The following EXOC4 variants were observed in gnomAD, a reference collection of about 807,000 sequenced individuals.
EXOC4 encodes the protein SEC8-like 1.
In EXOC4, 71 loss-of-function variants were observed where a neutral mutation model predicts 107.2. That is an observed-to-expected ratio of 0.66 (90% CI 0.55 to 0.81). The LOEUF (loss-of-function observed/expected upper bound fraction) is 0.81, where lower values mean the gene tolerates loss of function less well. Among genes scored for constraint, EXOC4 ranks in the 30% least tolerant of loss-of-function variants. The pLI is 0.00. For missense variants in EXOC4, 1,108 were observed against 1,189.6 expected (o/e 0.93, Z 1.01); for synonymous variants, 456 against 441.2 (o/e 1.03, Z -0.42).
chr7:133,999,423 A>G (rs921468133), intron 15 of EXOC4, among the ~76,000 whole-genome samples: 1 of 152,206 alleles, frequency 6.6e-6, no homozygotes, highest in African/African-American at 2.4e-5. Context: ...CAAGAGAAGT[A>G]ACATTGCAGA....
chr7:133,723,387 C>G (rs1795146704), intron 10 of EXOC4, among the ~76,000 whole-genome samples: 2 of 152,168 alleles, frequency 1.3e-5, no homozygotes, highest in Non-Finnish European at 2.9e-5. Flanking sequence ...AAATAGAACA[C>G]TATTTAAAAC....
intron 9 of EXOC4, among the ~76,000 whole-genome samples, chr7:133,525,487 C>T (rs987863082): frequency 1.3e-5 from 2 of 152,154 alleles, no homozygotes; most frequent in Admixed American, 1.3e-4. Context: ...GGTGAGACTG[C>T]TTCAGAGCAT....
chr7:133,991,301 TG>T, intron 14 of EXOC4, among the ~76,000 whole-genome samples: 1 of 152,266 alleles, frequency 6.6e-6, no homozygotes, highest in East Asian at 1.9e-4. Flanking sequence ...TTTTGTTTTT[TG>T]TTTTTGCTAT....
chr7:133,356,471 G>A lies in EXOC4; in HGVS notation c.905G>A (p.Arg302His), dbSNP rs762300660. 3.6e-5 allele frequency: 58 copies of A among 1,614,048 alleles called. No individual in the cohort carries two copies. In the East Asian group the frequency reaches 1.1e-3, roughly 32 times the overall value. The change falls in exon 6 of 18, where the codon CGC (arginine) becomes CAC (histidine). Residue 302 changes from arginine (R) to histidine (H), a missense_variant. Transcript: ENST00000253861. ...IPETVKAIIE[R>H]LEQELKQIVK... Reference sequence around the variant, plus strand: ...GAAACAGTTAAGGCAATCATAGAGCGCTTGGAGCAGGAGTTGAAGCAAATT... The same window carrying A: ...GAAACAGTTAAGGCAATCATAGAGCACTTGGAGCAGGAGTTGAAGCAAATT...
At chr7:133,385,220 A>G (rs992605707) in intron 7 of EXOC4, among the ~76,000 whole-genome samples, 6 of 152,190 alleles carry the variant, frequency 3.9e-5, no homozygotes, top group African/African-American at 7.2e-5. Flanking sequence ...CTTTTGGTCA[A>G]TTGGGTAGCT....
At chr7:133,697,689 A>T (rs1010642884) in intron 10 of EXOC4, among the ~76,000 whole-genome samples, 3 of 152,198 alleles carry the variant, frequency 2.0e-5, no homozygotes, top group African/African-American at 7.2e-5. Flanking sequence ...CAACAAGGAC[A>T]AGTGGGGATT....
intron 7 of EXOC4, among the ~76,000 whole-genome samples, chr7:133,384,342 G>A (rs532610435): frequency 5.9e-5 from 9 of 152,178 alleles, no homozygotes; most frequent in Non-Finnish European, 1.0e-4. Context: ...AGAGAACACA[G>A]GTGTAGAAAT....
downstream of EXOC4, among the ~76,000 whole-genome samples, chr7:134,067,638 T>TACACACACACACAC (rs60853968): frequency 7.6e-6 from 1 of 132,064 alleles, no homozygotes; most frequent in African/African-American, 2.7e-5. Flanking sequence ...TATATATATA[T>TACACACACACACAC]ACACACACAC....
intron 7 of EXOC4, among the ~76,000 whole-genome samples, chr7:133,376,210 G>T (rs1377435168): frequency 6.6e-6 from 1 of 152,212 alleles, no homozygotes; most frequent in African/African-American, 2.4e-5. Flanking sequence ...TTTACTGGTG[G>T]TTCAGTAGAA....
intron 17 of EXOC4, among the ~76,000 whole-genome samples, chr7:134,011,442 T>G (rs1794760333): frequency 6.6e-6 from 1 of 152,182 alleles, no homozygotes; most frequent in African/African-American, 2.4e-5. Context: ...ATTTCTCCAA[T>G]AGCTCTACTT....
chr7:133,504,539 G>T (rs113670126), intron 9 of EXOC4, among the ~76,000 whole-genome samples: 1 of 151,956 alleles, frequency 6.6e-6, no homozygotes, highest in Non-Finnish European at 1.5e-5. Context: ...TTCTACTGGC[G>T]CATTTTTGCT....
intron 10 of EXOC4, among the ~76,000 whole-genome samples, chr7:133,675,447 T>G (rs1417087634): frequency 6.6e-6 from 1 of 152,222 alleles, no homozygotes; most frequent in African/African-American, 2.4e-5. Flanking sequence ...TTGATATGAT[T>G]TGCTTTTGTA....
chr7:133,470,270 A>T (rs888807457), intron 7 of EXOC4, among the ~76,000 whole-genome samples: 1 of 152,252 alleles, frequency 6.6e-6, no homozygotes, highest in East Asian at 1.9e-4. Context: ...ACAAACAGTT[A>T]TAGGCAAAAG....
intron 12 of EXOC4, among the ~76,000 whole-genome samples, chr7:133,904,404 T>C (rs1799523022): frequency 6.6e-6 from 1 of 152,226 alleles, no homozygotes; most frequent in African/African-American, 2.4e-5. Context: ...CTGTCATTCA[T>C]ATTTTACCGC....
At chr7:133,960,007 A>G (rs1017793679) in intron 14 of EXOC4, among the ~76,000 whole-genome samples, 4 of 152,158 alleles carry the variant, frequency 2.6e-5, no homozygotes, top group Non-Finnish European at 5.9e-5. Context: ...GCTACAAGAA[A>G]TGGGGATTCT....
chr7:133,805,337 A>G (rs983032724), intron 10 of EXOC4, among the ~76,000 whole-genome samples: 1 of 152,178 alleles, frequency 6.6e-6, no homozygotes, highest in Non-Finnish European at 1.5e-5. Flanking sequence ...AGACCACATG[A>G]TCATTATAAG....
At chr7:133,806,327 A>G (rs906098397) in intron 10 of EXOC4, among the ~76,000 whole-genome samples, 1 of 152,162 alleles carries the variant, frequency 6.6e-6, no homozygotes, top group Non-Finnish European at 1.5e-5. Context: ...AGGAGGAGAG[A>G]ATTGAAATGA....
At chr7:133,780,317 G>A (rs1222782398) in intron 10 of EXOC4, among the ~76,000 whole-genome samples, 3 of 133,020 alleles carry the variant, frequency 2.3e-5, no homozygotes, top group East Asian at 2.1e-4. Context: ...AAAAAAAAAA[G>A]CCATACTTTT....
intron 14 of EXOC4, among the ~76,000 whole-genome samples, chr7:133,964,005 ACTTGT>A (rs1801005466): frequency 6.6e-6 from 1 of 151,920 alleles, no homozygotes; most frequent in African/African-American, 2.4e-5. Context: ...AGAAATAGGG[ACTTGT>A]CTTATATATT....
Sources: allele counts gnomAD v4.1 joint callset (sites outside exome capture counted in the v4.1 genomes callset), GRCh38; gene constraint gnomAD v4.1.1; transcripts MANE v1.5; gene names NCBI Gene and HGNC (gene_info 2026-07-23, HGNC 2026-07-21).